Variants in RARB observed in about 807,000 individuals in gnomAD.
RARB encodes the protein retinoic acid receptor beta.
Under a neutral mutation model 51.9 loss-of-function variants are expected in RARB, and 17 were observed. That is an observed-to-expected ratio of 0.33 (90% confidence interval 0.22 to 0.49). The LOEUF (loss-of-function observed/expected upper bound fraction) is 0.49, where lower values mean the gene tolerates loss of function less well. Ranked by LOEUF, RARB falls within the 20% of genes least tolerant of loss-of-function variation. RARB has a pLI of 0.99. For missense variants in RARB, 369 were observed against 550.8 expected (o/e 0.67, Z 3.30); for synonymous variants, 215 against 195.4 (o/e 1.10, Z -0.84).
intron 5 of RARB, among the ~76,000 whole-genome samples, chr3:25,312,683 A>G (rs1018499101): frequency 2.0e-5 from 3 of 152,184 alleles, no homozygotes; most frequent in South Asian, 4.1e-4. Context: ...GTTTTTTTCA[A>G]TTTTTAACAA....
At chr3:25,582,261 A>G (rs1701206212) in intron 5 of RARB, among the ~76,000 whole-genome samples, 1 of 152,158 alleles carries the variant, frequency 6.6e-6, no homozygotes, top group South Asian at 2.1e-4. Context: ...AAAATGTAAC[A>G]CTCAGTAGAA....
intron 1 of RARB, among the ~76,000 whole-genome samples, chr3:24,851,386 C>T (rs763305087): frequency 4.6e-5 from 7 of 151,488 alleles, no homozygotes; most frequent in Non-Finnish European, 8.8e-5. Flanking sequence ...TGTGATTATA[C>T]CACTGCACTC....
chr3:25,052,739 T>C (rs1009927777), intron 2 of RARB, among the ~76,000 whole-genome samples: 1 of 152,188 alleles, frequency 6.6e-6, no homozygotes, highest in Admixed American at 6.6e-5. Flanking sequence ...TATTCTCTTA[T>C]CTTTATCCTA....
intron 2 of RARB, among the ~76,000 whole-genome samples, chr3:25,466,089 T>A (rs1695417436): frequency 6.6e-6 from 1 of 152,222 alleles, no homozygotes; most frequent in Admixed American, 6.5e-5. Flanking sequence ...GTTGTGAGGA[T>A]AAAATGTTTT....
intron 5 of RARB, among the ~76,000 whole-genome samples, chr3:25,583,494 A>G (rs570299602): frequency 6.6e-6 from 1 of 152,212 alleles, no homozygotes; most frequent in Non-Finnish European, 1.5e-5. Flanking sequence ...AAGACAAGGT[A>G]ATGCTTCCAA....
At chr3:24,882,190 A>AAG (rs1223335225) in intron 2 of RARB, among the ~76,000 whole-genome samples, 1 of 152,238 alleles carries the variant, frequency 6.6e-6, no homozygotes, top group African/African-American at 2.4e-5. Flanking sequence ...ATTTTTAAAG[A>AAG]AGATATAGCA....
At chr3:25,420,371 G>A (rs1707825873) in intron 5 of RARB, among the ~76,000 whole-genome samples, 2 of 152,140 alleles carry the variant, frequency 1.3e-5, no homozygotes, top group South Asian at 2.1e-4. Context: ...TTCCCTCAGA[G>A]TCAGAAACTT....
At chr3:25,047,340 C>T (rs894229594) in intron 2 of RARB, among the ~76,000 whole-genome samples, 51 of 151,922 alleles carry the variant, frequency 3.4e-4, no homozygotes, top group Non-Finnish European at 2.1e-4. Flanking sequence ...CCTAAGAGGC[C>T]CTTTTGGAAG....
intron 5 of RARB, among the ~76,000 whole-genome samples, chr3:25,403,411 A>T (rs1305991736): frequency 3.3e-5 from 5 of 152,198 alleles, no homozygotes; most frequent in South Asian, 2.1e-4. Flanking sequence ...CAAAAATTAC[A>T]AATAAGAAAA....
At chr3:25,126,070 A>G (rs1397504878) in intron 3 of RARB, among the ~76,000 whole-genome samples, 3 of 152,306 alleles carry the variant, frequency 2.0e-5, no homozygotes, top group East Asian at 3.9e-4. Flanking sequence ...GTAGTTGAGT[A>G]CATAGATTTT....
intron 2 of RARB, among the ~76,000 whole-genome samples, chr3:24,894,931 A>G (rs548262185): frequency 1.3e-5 from 2 of 152,210 alleles, no homozygotes; most frequent in Non-Finnish European, 2.9e-5. Flanking sequence ...AGTTTTGTCA[A>G]AAGAAGTAAT....
intron 5 of RARB, among the ~76,000 whole-genome samples, chr3:25,402,499 C>T (rs1707290461): frequency 6.6e-6 from 1 of 152,204 alleles, no homozygotes; most frequent in Non-Finnish European, 1.5e-5. Flanking sequence ...GAGATACCTG[C>T]ACTCCTCTGT....
intron 2 of RARB, among the ~76,000 whole-genome samples, chr3:24,873,266 A>AACAT (rs1177147372): frequency 1.3e-5 from 2 of 152,176 alleles, no homozygotes; most frequent in Non-Finnish European, 2.9e-5. Flanking sequence ...TTTCTTTGTG[A>AACAT]ACATACTTTT....
intron 2 of RARB, among the ~76,000 whole-genome samples, chr3:24,914,266 A>G (rs560261576): frequency 1.9e-4 from 29 of 152,310 alleles, no homozygotes; most frequent in Admixed American, 1.5e-3. Context: ...AACATTTTCC[A>G]TGTCGTACCT....
At chr3:25,200,461 T>G (rs1029741940) in intron 5 of RARB, among the ~76,000 whole-genome samples, 1 of 152,196 alleles carries the variant, frequency 6.6e-6, no homozygotes, top group Non-Finnish European at 1.5e-5. Flanking sequence ...ATCCCATTTG[T>G]CAATTTTGGC....
At chr3:25,315,247 C>T (rs1704393110) in intron 5 of RARB, among the ~76,000 whole-genome samples, 1 of 152,116 alleles carries the variant, frequency 6.6e-6, no homozygotes, top group Non-Finnish European at 1.5e-5. Context: ...TAGACAGAAA[C>T]TAAATGAGTC....
chr3:25,485,904 T>C (rs1008750903), intron 2 of RARB, among the ~76,000 whole-genome samples: 2 of 152,094 alleles, frequency 1.3e-5, no homozygotes, highest in African/African-American at 2.4e-5. Context: ...GGAGTTCAAT[T>C]TGAAGCTCAC....
chr3:25,101,984 G>A (rs1403026445), intron 3 of RARB, among the ~76,000 whole-genome samples: 2 of 152,128 alleles, frequency 1.3e-5, no homozygotes. Context: ...TGAGAATGAT[G>A]TCTGTTGTAA....
intron 2 of RARB, among the ~76,000 whole-genome samples, chr3:24,862,341 C>T (rs998070521): frequency 9.9e-5 from 15 of 152,118 alleles, no homozygotes; most frequent in Non-Finnish European, 1.5e-4. Context: ...TTCAAGGAAA[C>T]GAATGTCCAA....
Sources: gnomAD v4.1 joint callset for allele counts (sites outside exome capture counted in the v4.1 genomes callset) on GRCh38, gnomAD v4.1.1 for gene constraint, MANE v1.5 for transcripts, NCBI Gene and HGNC (gene_info 2026-07-23, HGNC 2026-07-21) for gene names.